Variants in TMEM182 observed in about 807,000 individuals in gnomAD.
The protein encoded by TMEM182 is transmembrane protein 182.
In TMEM182, 20 loss-of-function variants were observed where a neutral mutation model predicts 26.8. The observed-to-expected ratio is 0.75, with a 90% confidence interval of 0.53 to 1.09. The LOEUF (loss-of-function observed/expected upper bound fraction) is 1.09, where lower values mean the gene tolerates loss of function less well. Among genes scored for constraint, TMEM182 ranks in the 50% least tolerant of loss-of-function variants. The pLI is 0.00. For synonymous variants in TMEM182, 109 were observed against 102.2 expected (o/e 1.07, Z -0.40); for missense variants, 277 against 275.5 (o/e 1.01, Z -0.04).
intron 1 of TMEM182, among the ~76,000 whole-genome samples, chr2:102,737,660 C>G (rs1679396019): frequency 6.6e-6 from 1 of 152,024 alleles, no homozygotes; most frequent in African/African-American, 2.4e-5. Flanking sequence ...CATTTAGGAC[C>G]CAGAAGGCCA....
intron 3 of TMEM182, among the ~76,000 whole-genome samples, chr2:102,832,085 C>T (rs566008142): frequency 5.3e-5 from 8 of 152,320 alleles, no homozygotes; most frequent in East Asian, 3.9e-4. Context: ...GAGTGAGAGA[C>T]GGATAGCCAT....
intron 3 of TMEM182, among the ~76,000 whole-genome samples, chr2:102,788,390 G>A (rs774854774): frequency 5.9e-5 from 9 of 152,132 alleles, no homozygotes; most frequent in Non-Finnish European, 7.4e-5. Flanking sequence ...CCTTGGAGCT[G>A]GAGATTTGGC....
chr2:102,767,381 A>T (rs1680496805), intron 3 of TMEM182, among the ~76,000 whole-genome samples: 2 of 152,212 alleles, frequency 1.3e-5, no homozygotes, highest in Admixed American at 1.3e-4. Flanking sequence ...AGTGCATTAA[A>T]CAATTCTATT....
chr2:102,763,270 C>CT (rs34122642), intron 2 of TMEM182, among the ~76,000 whole-genome samples: 1 of 152,136 alleles, frequency 6.6e-6, no homozygotes, highest in African/African-American at 2.4e-5. Context: ...CTTTAAAGTT[C>CT]TTTTTTAAGG....
chr2:102,821,572 AC>A (rs1682916239), downstream of TMEM182, among the ~76,000 whole-genome samples: 1 of 152,090 alleles, frequency 6.6e-6, no homozygotes, highest in South Asian at 2.1e-4. Context: ...AGCTTACAGA[AC>A]CGTGAGGCAA....
intron 1 of TMEM182, among the ~76,000 whole-genome samples, chr2:102,737,444 A>T (rs994119571): frequency 2.0e-5 from 3 of 152,234 alleles, no homozygotes; most frequent in African/African-American, 2.4e-5. Context: ...AATACTAAAC[A>T]TGCAATGAAA....
At chr2:102,801,483 A>C (rs1268598278) in intron 4 of TMEM182, among the ~76,000 whole-genome samples, 2 of 152,220 alleles carry the variant, frequency 1.3e-5, no homozygotes, top group Admixed American at 6.5e-5. Context: ...GTAACTCAGG[A>C]TTACATATGA....
At chr2:102,825,921 A>G (rs538773314) in intron 3 of TMEM182, among the ~76,000 whole-genome samples, 4 of 152,346 alleles carry the variant, frequency 2.6e-5, no homozygotes, top group African/African-American at 7.2e-5. Context: ...TCTCCATGAT[A>G]CCAACTGGTT....
At chr2:102,836,248 A>G (rs141541773) in intron 3 of TMEM182, among the ~76,000 whole-genome samples, 78 of 152,326 alleles carry the variant, frequency 5.1e-4, no homozygotes, top group African/African-American at 1.7e-3. Flanking sequence ...TTGGGTAAAT[A>G]CAAAGATTAT....
chr2:102,737,030 T>C, intron 1 of TMEM182: 1 of 547,920 alleles, frequency 1.8e-6, no homozygotes, highest in South Asian at 2.4e-5. Flanking sequence ...ACACACCAGT[T>C]TGTGATGATA....
At chr2:102,789,922 T>C (rs1681563394) in intron 3 of TMEM182, among the ~76,000 whole-genome samples, 1 of 152,182 alleles carries the variant, frequency 6.6e-6, no homozygotes, top group African/African-American at 2.4e-5. Context: ...TGGCATGGCC[T>C]TGCTCCTGCC....
chr2:102,800,812 T>A (rs1399977427), intron 4 of TMEM182, among the ~76,000 whole-genome samples: 1 of 146,484 alleles, frequency 6.8e-6, no homozygotes, highest in African/African-American at 2.7e-5. Flanking sequence ...TGTGTGTGTG[T>A]GTGTGTGTGT....
downstream of TMEM182, among the ~76,000 whole-genome samples, chr2:102,818,771 T>TATCA (rs1553444839): frequency 2.6e-5 from 4 of 152,264 alleles, no homozygotes; most frequent in African/African-American, 9.6e-5. Context: ...TCTATCTATC[T>TATCA]ATCTATCTAT....
At position 102,816,302 on chromosome 2, in the gene TMEM182, C is replaced by T. The variant is rs927771802; in HGVS notation, c.*1334C>T. 2.0e-6 allele frequency: 2 copies of T among 984,904 alleles called. No individual in the cohort carries two copies. Among genetic ancestry groups the T allele is most frequent in the African/African-American group, 1.8e-5 (1 of 57,106 alleles). 61.0% of individuals were successfully genotyped at this position (984,904 alleles called of 1,614,324 possible). A position where few individuals can be genotyped will look rare whatever the true frequency, so the allele number is the denominator to read the frequency against. ...TGTTGTGAGGACAGAGAGGCATGGC[C>T]CACAGGCAAAAAAAGTCACCACCCA... On this transcript the variant is annotated 3_prime_UTR_variant, in exon 5 of 5. Transcript: ENST00000412401.
At chr2:102,822,033 A>G (rs1036143959), downstream of TMEM182, among the ~76,000 whole-genome samples, 6 of 152,056 alleles carry the variant, frequency 3.9e-5, no homozygotes, top group Non-Finnish European at 5.9e-5. Flanking sequence ...GTTTAAGGAG[A>G]TGGATGTCCC....
intron 3 of TMEM182, among the ~76,000 whole-genome samples, chr2:102,833,727 T>G (rs1455984785): frequency 1.3e-5 from 2 of 152,158 alleles, no homozygotes; most frequent in African/African-American, 4.8e-5. Flanking sequence ...AATGTCTCAG[T>G]TTTTCCTTGT....
intron 3 of TMEM182, among the ~76,000 whole-genome samples, chr2:102,794,887 C>A (rs374100019): frequency 6.6e-6 from 1 of 152,112 alleles, no homozygotes; most frequent in East Asian, 1.9e-4. Flanking sequence ...ATTTTTTCTT[C>A]ACCAATATCT....
chr2:102,813,150 G>A (rs913580458), intron 4 of TMEM182, among the ~76,000 whole-genome samples: 10 of 152,172 alleles, frequency 6.6e-5, no homozygotes, highest in African/African-American at 2.4e-4. Flanking sequence ...TCATTGCTCT[G>A]TAGCTTGTGT....
chr2:102,770,331 C>T (rs1001142651), intron 3 of TMEM182, among the ~76,000 whole-genome samples: 2 of 152,118 alleles, frequency 1.3e-5, no homozygotes, highest in African/African-American at 4.8e-5. Flanking sequence ...CCGTCTTCAC[C>T]AAGGGCTCAG....
Sources: allele counts gnomAD v4.1 joint callset (sites outside exome capture counted in the v4.1 genomes callset), GRCh38; gene constraint gnomAD v4.1.1; transcripts MANE v1.5; gene names NCBI Gene and HGNC (gene_info 2026-07-23, HGNC 2026-07-21).